The following EFCAB8 variants were observed in gnomAD, a reference collection of about 807,000 sequenced individuals.
The protein encoded by EFCAB8 is EF-hand calcium binding domain 8, also known as EF-hand calcium-binding domain-containing protein 8.
Under a neutral mutation model 116.3 loss-of-function variants are expected in EFCAB8, and 100 were observed. That is an observed-to-expected ratio of 0.86 (90% CI 0.73 to 1.02). EFCAB8 has a LOEUF of 1.02. Ranked by LOEUF, EFCAB8 falls within the 50% of genes least tolerant of loss-of-function variation. The pLI is 0.00. For missense variants in EFCAB8, 1,320 were observed against 1,416.9 expected (o/e 0.93, Z 1.10); for synonymous variants, 558 against 567.9 (o/e 0.98, Z 0.25).
At chr20:32,898,220 G>A (rs1986256552) in intron 10 of EFCAB8, among the ~76,000 whole-genome samples, 3 of 152,194 alleles carry the variant, frequency 2.0e-5, no homozygotes, top group Admixed American at 2.0e-4. Flanking sequence ...ATTAGTATGG[G>A]CCTGACCTTC....
chr20:32,961,219 A>G lies in EFCAB8; in HGVS notation c.3477A>G (p.Pro1159=). The G allele has an allele frequency of 6.4e-7, 1 of 1,551,900 alleles. No individual in the cohort carries two copies. The highest frequency in any genetic ancestry group is 8.7e-7 in the Non-Finnish European group (1 of 1,146,950). ...CTGACTTCCTGACCAGCAGGGGCCC[A>G]GACCAGCAAGACCAGCACATCCGCC... ...QQPDFLTSRG[P]DQQDQHIRLV... Residue 1159 remains proline (P), a synonymous_variant, in exon 27 of 27, where the codon CCA becomes CCG. Coordinates refer to ENST00000400522, the MANE Select transcript of EFCAB8 (RefSeq NM_001143967.2).
In EFCAB8 at chr20:32,911,530, G is replaced by A. The variant is rs892317086; in HGVS notation, c.1608G>A (p.Thr536=). ...RGTVSVWEVV[T]GRKTMEFAVS... is the part of the protein sequence containing the mutation. ...CAGTGAGTGTGTGGGAGGTCGTGAC[G>A]GGCAGGAAGACGATGGAGTTTGCTG... is the stretch of plus-strand genomic sequence containing the variant. The change falls in exon 16 of 27, where the codon ACG becomes ACA. Residue 536 remains threonine (T), a synonymous_variant. Transcript: ENST00000400522. 9 of 1,519,176 alleles carry A rather than the reference G, an allele frequency of 5.9e-6. No individual in the cohort carries two copies. The highest frequency in any genetic ancestry group is 1.7e-4 in the Middle Eastern group (1 of 5,850). The allele number at this position is 1,519,176 out of a possible 1,614,324, so 94.1% of individuals were successfully genotyped here. A position where few individuals can be genotyped will look rare whatever the true frequency, so the allele number is the denominator to read the frequency against.
intron 24 of EFCAB8, among the ~76,000 whole-genome samples, chr20:32,959,002 C>T (rs547569507): frequency 2.6e-5 from 4 of 152,314 alleles, no homozygotes; most frequent in African/African-American, 7.2e-5. Flanking sequence ...CTACTTGGTC[C>T]TCCCCCTGCA....
At chr20:32,937,172 G>C (rs918650631) in intron 22 of EFCAB8, among the ~76,000 whole-genome samples, 11 of 151,784 alleles carry the variant, frequency 7.2e-5, no homozygotes, top group African/African-American at 2.7e-4. Flanking sequence ...TAGAGACAGG[G>C]TTTCTCCATG....
At chr20:32,932,076 C>A (rs1987930733) in intron 22 of EFCAB8, among the ~76,000 whole-genome samples, 1 of 152,218 alleles carries the variant, frequency 6.6e-6, no homozygotes, top group East Asian at 1.9e-4. Context: ...TATTCAGTTT[C>A]TAAAAATTTA....
intron 4 of EFCAB8, among the ~76,000 whole-genome samples, chr20:32,876,458 A>C (rs540564158): frequency 5.3e-5 from 8 of 152,312 alleles, no homozygotes; most frequent in African/African-American, 1.7e-4. Context: ...ACAGCATCAT[A>C]ATAATAATGC....
chr20:32,902,550 C>T (rs1314240709), intron 11 of EFCAB8, among the ~76,000 whole-genome samples: 5 of 151,752 alleles, frequency 3.3e-5, no homozygotes, highest in African/African-American at 9.7e-5. Flanking sequence ...AGTTCAAGAC[C>T]GGCCTGGGCA....
intron 5 of EFCAB8, among the ~76,000 whole-genome samples, chr20:32,883,237 T>C (rs1286128009): frequency 5.9e-5 from 9 of 152,220 alleles, no homozygotes; most frequent in Non-Finnish European, 1.3e-4. Flanking sequence ...AAGATAATTT[T>C]ATATCCTTCA....
At chr20:32,931,850 A>G (rs898156335) in intron 22 of EFCAB8, among the ~76,000 whole-genome samples, 23 of 152,240 alleles carry the variant, frequency 1.5e-4, no homozygotes, top group Admixed American at 1.5e-3. Context: ...TTACAAATAA[A>G]TTACAGTGTA....
At position 32,912,870 on chromosome 20, in the gene EFCAB8, T is replaced by G. The variant is rs1399467113; in HGVS notation, c.1856+6T>G. On this transcript the variant is annotated splice_donor_region_variant and intron_variant, in intron 17 of 26. Coordinates refer to ENST00000400522, the MANE Select transcript of EFCAB8 (RefSeq NM_001143967.2). ...AAGAGAATCACTCATTTCCTGTGAG[T>G]AGAAAGCATGTATGGTGAGTAGGTT... 1 of 718,836 alleles carries G rather than the reference T, an allele frequency of 1.4e-6. No homozygotes were observed. Among genetic ancestry groups the G allele is most frequent in the Non-Finnish European group, 2.6e-6 (1 of 385,116 alleles). The allele number at this position is 718,836 out of a possible 1,614,324, so 44.5% of individuals were successfully genotyped here. A position where few individuals can be genotyped will look rare whatever the true frequency, so the allele number is the denominator to read the frequency against.
intron 19 of EFCAB8, among the ~76,000 whole-genome samples, 180 bp downstream of exon 19, chr20:32,918,754 A>G (rs969047573): frequency 2.0e-5 from 3 of 152,168 alleles, no homozygotes; most frequent in African/African-American, 7.2e-5. Flanking sequence ...TTTAGTCCCA[A>G]TGTATCTATC....
At chr20:32,934,945 T>C (rs554215633) in intron 22 of EFCAB8, among the ~76,000 whole-genome samples, 1 of 152,270 alleles carries the variant, frequency 6.6e-6, no homozygotes, top group African/African-American at 2.4e-5. Flanking sequence ...CCCTCCAACA[T>C]TGTACAAGGG....
intron 17 of EFCAB8, among the ~76,000 whole-genome samples, chr20:32,915,779 C>T (rs1393266764): frequency 6.6e-6 from 1 of 151,380 alleles, no homozygotes; most frequent in Non-Finnish European, 1.5e-5. Flanking sequence ...TCAAGTGATT[C>T]TCATGCTTCT....
At chr20:32,917,629 G>C in intron 18 of EFCAB8, 124 bp downstream of exon 18, 1 of 1,108,264 alleles carries the variant, frequency 9.0e-7, no homozygotes. Context: ...TGTTCTGGAT[G>C]GGGTGGGGAG....
intron 2 of EFCAB8, among the ~76,000 whole-genome samples, chr20:32,867,022 A>C (rs546380741): frequency 6.2e-4 from 94 of 151,606 alleles, no homozygotes; most frequent in Admixed American, 3.3e-3. Flanking sequence ...GGTTCGAGTG[A>C]TTCTCCTGCC....
intron 17 of EFCAB8, among the ~76,000 whole-genome samples, chr20:32,915,696 G>A (rs1210100288): frequency 1.4e-5 from 2 of 147,494 alleles, no homozygotes; most frequent in Non-Finnish European, 3.0e-5. Flanking sequence ...TTTTAAGACA[G>A]AGTCTTGTTT....
chr20:32,923,936 C>T (rs150015245), intron 20 of EFCAB8, among the ~76,000 whole-genome samples: 3 of 152,156 alleles, frequency 2.0e-5, no homozygotes, highest in Non-Finnish European at 4.4e-5. Context: ...ATATAAAACT[C>T]TAGGATTAGA....
chr20:32,908,505 T>C, intron 14 of EFCAB8, 93 bp downstream of exon 14: 1 of 1,216,790 alleles, frequency 8.2e-7, no homozygotes, highest in Non-Finnish European at 1.0e-6. Flanking sequence ...GGCCACGTCC[T>C]GTCCCTCCTG....
chr20:32,893,418 CGTCTG>C, intron 9 of EFCAB8, 120 bp downstream of exon 9: 1 of 1,405,276 alleles, frequency 7.1e-7, no homozygotes, highest in Non-Finnish European at 9.6e-7. Flanking sequence ...TCTGGGAAGG[CGTCTG>C]CTTCCAAGCG....
Sources: allele counts gnomAD v4.1 joint callset (sites outside exome capture counted in the v4.1 genomes callset), GRCh38; gene constraint gnomAD v4.1.1; transcripts MANE v1.5; gene names NCBI Gene and HGNC (gene_info 2026-07-23, HGNC 2026-07-21).